Variants in AFF3 observed in about 807,000 individuals in gnomAD.
AFF3 encodes the protein AF4/FMR2 family member 3.
In AFF3, 32 loss-of-function variants were observed where a neutral mutation model predicts 129.7. The ratio of observed to expected loss-of-function variants is 0.25; its 90% CI spans 0.19 to 0.33. The LOEUF is 0.33. Among genes scored for constraint, AFF3 ranks in the 10% least tolerant of loss-of-function variants. The probability of loss-of-function intolerance (pLI) is 1.00; values close to 1 mark genes in which losing one functional copy is unlikely to be tolerated. For missense variants in AFF3, 1,373 were observed against 1,592.0 expected, an observed-to-expected ratio of 0.86 and a Z score of 2.34; for synonymous variants, 644 against 635.4, an observed-to-expected ratio of 1.01 and a Z score of -0.20.
chr2:100,063,860 C>T (rs990385444), intron 4 of AFF3, among the ~76,000 whole-genome samples: 4 of 152,180 alleles, frequency 2.6e-5, no homozygotes, highest in Middle Eastern at 3.4e-3. Context: ...GAGGCTGAGG[C>T]GGGTGGATCA....
At chr2:99,572,183 G>A (rs1046694107) in intron 18 of AFF3, among the ~76,000 whole-genome samples, 11 of 151,834 alleles carry the variant, frequency 7.2e-5, no homozygotes, top group African/African-American at 2.7e-4. Context: ...TGATCTGAAA[G>A]CCAGAGCTTA....
intron 13 of AFF3, among the ~76,000 whole-genome samples, chr2:99,644,181 G>A (rs1307737948): frequency 6.6e-6 from 1 of 152,236 alleles, no homozygotes; most frequent in East Asian, 1.9e-4. Context: ...TGGGCAGACA[G>A]GTTACAGTCT....
rs777956044 is a variant in AFF3 at position 99,798,613 on chromosome 2, A to G, written c.921+38864T>C. 4.2e-4 allele frequency among the ~76,000 whole-genome samples: 64 copies of G among 152,150 alleles called. 1 individual carries two copies. The highest frequency in any genetic ancestry group is 2.6e-3 in the Admixed American group (39 of 15,274). On this transcript the variant is annotated intron_variant, in intron 8 of 24. Coordinates refer to ENST00000672756, the MANE Select transcript of AFF3 (RefSeq NM_001386135.1). ...ACCAAATAGATTAAAATAAAATGAT[A>G]GAAATATATATTACATGCTAACATT...
intron 4 of AFF3, among the ~76,000 whole-genome samples, chr2:100,089,078 G>T (rs927640438): frequency 6.6e-6 from 1 of 152,040 alleles, no homozygotes; most frequent in African/African-American, 2.4e-5. Context: ...AAAGTCACGA[G>T]GTATAAAGTG....
intron 7 of AFF3, among the ~76,000 whole-genome samples, chr2:99,996,069 A>T (rs1680807616): frequency 6.6e-6 from 1 of 152,172 alleles, no homozygotes; most frequent in South Asian, 2.1e-4. Flanking sequence ...TGTAATACTG[A>T]AAAAACCTAA....
At chr2:100,025,539 G>GA (rs977519493) in intron 4 of AFF3, among the ~76,000 whole-genome samples, 4 of 151,960 alleles carry the variant, frequency 2.6e-5, no homozygotes, top group African/African-American at 9.7e-5. Context: ...CACAGAATTA[G>GA]AAAAAAAATT....
intron 1 of AFF3, among the ~76,000 whole-genome samples, chr2:100,133,607 T>C (rs948483888): frequency 6.6e-6 from 1 of 152,144 alleles, no homozygotes; most frequent in African/African-American, 2.4e-5. Flanking sequence ...TGCCTGGCTC[T>C]CATGTACTAC....
At chr2:99,823,805 C>T (rs764771502) in intron 8 of AFF3, among the ~76,000 whole-genome samples, 9 of 152,138 alleles carry the variant, frequency 5.9e-5, no homozygotes, top group Non-Finnish European at 1.3e-4. Context: ...CTTGCGGCAA[C>T]GTGGATGGAG....
intron 13 of AFF3, among the ~76,000 whole-genome samples, chr2:99,610,986 C>G (rs537585703): frequency 6.6e-6 from 1 of 152,300 alleles, no homozygotes; most frequent in East Asian, 1.9e-4. Context: ...TCTCTACCCC[C>G]CAGTCTGTTT....
At chr2:99,999,639 C>G (rs1271938664) in intron 7 of AFF3, among the ~76,000 whole-genome samples, 1 of 152,184 alleles carries the variant, frequency 6.6e-6, no homozygotes, top group African/African-American at 2.4e-5. Flanking sequence ...CTATAAATAA[C>G]TATAGGAATT....
rs2105613140 is a variant in AFF3, at chr2:99,650,149, A to C, written c.1144-483T>G. ...AATATGGAATGCCACTAGAAATCTC[A>C]AGGGATTATTGATTTGCTTTAGGCA... On this transcript the variant is annotated intron_variant, in intron 12 of 24. Coordinates refer to ENST00000672756, the MANE Select transcript of AFF3 (RefSeq NM_001386135.1). 2.0e-5 allele frequency among the ~76,000 whole-genome samples: 3 copies of C among 152,332 alleles called. 1 individual carries two copies. The South Asian group carries it at 6.2e-4, about 32-fold the overall frequency.
At chr2:99,567,528 G>C (rs1384745752) in intron 19 of AFF3, among the ~76,000 whole-genome samples, 1 of 152,198 alleles carries the variant, frequency 6.6e-6, no homozygotes, top group Non-Finnish European at 1.5e-5. Context: ...AAGTGAGCTA[G>C]TGATGGGGCC....
chr2:99,795,816 C>T (rs1236622796), intron 8 of AFF3, among the ~76,000 whole-genome samples: 2 of 152,020 alleles, frequency 1.3e-5, no homozygotes, highest in Non-Finnish European at 2.9e-5. Context: ...CTACACGGTG[C>T]TTTGCACCTG....
chr2:99,587,911 G>A (rs1448428532), intron 15 of AFF3, among the ~76,000 whole-genome samples: 1 of 151,678 alleles, frequency 6.6e-6, no homozygotes, highest in Non-Finnish European at 1.5e-5. Context: ...TTGGGAGGCT[G>A]AGGCAGGAGA....
intron 7 of AFF3, among the ~76,000 whole-genome samples, chr2:99,850,860 A>T (rs531829050): frequency 9.8e-5 from 15 of 152,340 alleles, no homozygotes; most frequent in Middle Eastern, 6.8e-3. Flanking sequence ...GCAGCTAACA[A>T]ATTAAATGGA....
intron 7 of AFF3, among the ~76,000 whole-genome samples, chr2:99,964,227 AG>A (rs1677508939): frequency 6.6e-6 from 1 of 152,146 alleles, no homozygotes; most frequent in South Asian, 2.1e-4. Context: ...GCAAGGATAT[AG>A]AAGAAATGTA....
At chr2:99,849,983 T>C (rs1165032358) in intron 7 of AFF3, among the ~76,000 whole-genome samples, 1 of 152,226 alleles carries the variant, frequency 6.6e-6, no homozygotes, top group African/African-American at 2.4e-5. Context: ...AAAATTCCTG[T>C]CCTCATGGAG....
chr2:99,916,402 A>T (rs1328353024), intron 7 of AFF3, among the ~76,000 whole-genome samples: 1 of 152,114 alleles, frequency 6.6e-6, no homozygotes, highest in East Asian at 1.9e-4. Context: ...TCAGAATTTG[A>T]GCCCTGGGAG....
intron 4 of AFF3, among the ~76,000 whole-genome samples, chr2:100,068,152 C>T (rs138509900): frequency 6.6e-5 from 10 of 152,346 alleles, no homozygotes; most frequent in African/African-American, 1.7e-4. Flanking sequence ...GCACAACCAA[C>T]TTCTCTCTTA....
Sources: gnomAD v4.1 joint callset for allele counts (sites outside exome capture counted in the v4.1 genomes callset) on GRCh38, gnomAD v4.1.1 for gene constraint, MANE v1.5 for transcripts, NCBI Gene and HGNC (gene_info 2026-07-23, HGNC 2026-07-21) for gene names.